AP4S1: variants seen among roughly 807,000 people sequenced by gnomAD.
The protein encoded by AP4S1 is adaptor related protein complex 4 subunit sigma 1.
AP4S1 carries 23 observed loss-of-function variants against 19.8 expected under a neutral mutation model. The ratio of observed to expected loss-of-function variants is 1.16; its 90% confidence interval spans 0.84 to 1.65. AP4S1 has a LOEUF of 1.65. Ranked by LOEUF, AP4S1 falls within the 40% of genes most tolerant of loss-of-function variation. AP4S1 has a pLI of 0.00. For synonymous variants in AP4S1, 46 were observed against 54.1 expected (o/e 0.85, Z 0.66); for missense variants, 166 against 172.8 (o/e 0.96, Z 0.22).
At chr14:31,074,364 T>TAAAGAAAG (rs1367024791) in intron 4 of AP4S1, among the ~76,000 whole-genome samples, 3 of 73,258 alleles carry the variant, frequency 4.1e-5, no homozygotes, top group African/African-American at 1.2e-4. Context: ...AATAAATAAA[T>TAAAGAAAG]AAAGTAAGCT....
At position 31,092,978 on chromosome 14, in the gene AP4S1, T is replaced by C. The variant is rs1179210609; in HGVS notation, c.378T>C (p.Thr126=). ...EMVLNGCIVE[T]NRARILAPLL... ...TGTTAAATGGCTGCATTGTGGAAACTAACAGGGCAAGAATTCTTGCCCCTC... is the reference window on the plus strand; with the variant it reads ...TGTTAAATGGCTGCATTGTGGAAACCAACAGGGCAAGAATTCTTGCCCCTC... Residue 126 remains threonine (T), a synonymous_variant, in exon 6 of 6, where the codon ACT becomes ACC. Transcript: ENST00000542754. 6.5e-7 allele frequency: 1 copy of C among 1,549,046 alleles called. No individual in the cohort carries two copies. The highest frequency in any genetic ancestry group is 2.0e-5 in the Admixed American group (1 of 50,856).
chr14:31,058,971 C>G (rs1886285449), intron 1 of AP4S1, among the ~76,000 whole-genome samples: 1 of 152,144 alleles, frequency 6.6e-6, no homozygotes, highest in African/African-American at 2.4e-5. Context: ...TCCCTTCTTA[C>G]TGTCCTACCT....
intron 1 of AP4S1, among the ~76,000 whole-genome samples, chr14:31,035,714 TA>T (rs1330587107): frequency 4.0e-5 from 6 of 151,384 alleles, no homozygotes; most frequent in East Asian, 3.9e-4. Flanking sequence ...GAGACCAGGT[TA>T]TTTTTTTTAT....
At chr14:31,047,088 T>C (rs766034200) in intron 1 of AP4S1, among the ~76,000 whole-genome samples, 2 of 152,188 alleles carry the variant, frequency 1.3e-5, no homozygotes, top group Non-Finnish European at 2.9e-5. Flanking sequence ...CACGTTTGTA[T>C]TTTCCCAATG....
At chr14:31,040,762 A>G (rs1479324093) in intron 1 of AP4S1, among the ~76,000 whole-genome samples, 1 of 152,176 alleles carries the variant, frequency 6.6e-6, no homozygotes, top group Non-Finnish European at 1.5e-5. Context: ...CTTTAGGTCA[A>G]GATCTGCGAG....
chr14:31,062,731 G>T (rs534226144), intron 1 of AP4S1, among the ~76,000 whole-genome samples: 2 of 151,726 alleles, frequency 1.3e-5, no homozygotes, highest in South Asian at 2.1e-4. Context: ...ACTGTGGGAG[G>T]CCAAGGTAGG....
chr14:31,088,118 C>T (rs1293082403), intron 5 of AP4S1, among the ~76,000 whole-genome samples: 1 of 152,072 alleles, frequency 6.6e-6, no homozygotes, highest in Non-Finnish European at 1.5e-5. Context: ...AGGATTCAGC[C>T]AGTAGCCCGG....
intron 2 of AP4S1, among the ~76,000 whole-genome samples, chr14:31,067,111 C>T (rs752216158): frequency 2.0e-5 from 3 of 151,016 alleles, no homozygotes; most frequent in Non-Finnish European, 2.9e-5. Flanking sequence ...CTGGGGAGGC[C>T]GAGGCAGGAT....
intron 1 of AP4S1, among the ~76,000 whole-genome samples, chr14:31,054,542 C>T (rs1885990422): frequency 2.0e-5 from 3 of 151,872 alleles, no homozygotes; most frequent in South Asian, 2.1e-4. Context: ...ATTAGCCAGG[C>T]GTGGTGGCAG....
At chr14:31,052,960 G>A (rs1488691305) in intron 1 of AP4S1, among the ~76,000 whole-genome samples, 7 of 95,998 alleles carry the variant, frequency 7.3e-5, no homozygotes, top group Admixed American at 1.4e-4. Flanking sequence ...TTTTTTTTGA[G>A]ATGGAGTTTC....
chr14:31,067,593 T>C (rs1886792540), intron 2 of AP4S1, among the ~76,000 whole-genome samples: 1 of 151,166 alleles, frequency 6.6e-6, no homozygotes, highest in Non-Finnish European at 1.5e-5. Flanking sequence ...TGGCTCACTG[T>C]AACCAACCTC....
At chr14:31,078,165 A>T (rs1360782759) in intron 4 of AP4S1, among the ~76,000 whole-genome samples, 1 of 152,226 alleles carries the variant, frequency 6.6e-6, no homozygotes, top group Non-Finnish European at 1.5e-5. Context: ...TGGTCATTCC[A>T]GAGACTGGCC....
At chr14:31,054,740 T>A (rs1886002237) in intron 1 of AP4S1, among the ~76,000 whole-genome samples, 2 of 151,498 alleles carry the variant, frequency 1.3e-5, no homozygotes, top group South Asian at 4.2e-4. Context: ...TGGAGGTACG[T>A]GCCTCTAGTC....
At chr14:31,075,953 C>T (rs1485009311) in intron 4 of AP4S1, among the ~76,000 whole-genome samples, 4 of 152,110 alleles carry the variant, frequency 2.6e-5, no homozygotes, top group Non-Finnish European at 4.4e-5. Context: ...TGAGGCTGGT[C>T]TCAAACTCCT....
At chr14:31,081,498 T>A (rs572434010) in intron 5 of AP4S1, among the ~76,000 whole-genome samples, 3 of 152,312 alleles carry the variant, frequency 2.0e-5, no homozygotes, top group Admixed American at 1.3e-4. Context: ...GCCCACAGAT[T>A]TTGGCAGGAG....
chr14:31,082,665 G>A (rs1163727249), intron 5 of AP4S1, among the ~76,000 whole-genome samples: 1 of 152,180 alleles, frequency 6.6e-6, no homozygotes, highest in African/African-American at 2.4e-5. Context: ...GGGAGGCCGA[G>A]GCGGGTGGAT....
At chr14:31,035,547 C>CA (rs916877315) in intron 1 of AP4S1, among the ~76,000 whole-genome samples, 3 of 149,392 alleles carry the variant, frequency 2.0e-5, no homozygotes, top group Non-Finnish European at 3.0e-5. Context: ...CCCAATATCT[C>CA]AAAAAACAAT....
At chr14:31,058,216 C>A (rs1886230699) in intron 1 of AP4S1, among the ~76,000 whole-genome samples, 1 of 152,138 alleles carries the variant, frequency 6.6e-6, no homozygotes, top group Non-Finnish European at 1.5e-5. Context: ...AGGCATGAAC[C>A]ACCTCGCCTG....
intron 1 of AP4S1, chr14:31,027,316 C>T (rs1884069585): frequency 6.6e-6 from 1 of 152,102 alleles, no homozygotes; most frequent in African/African-American, 2.4e-5. Context: ...AATAAAAGCA[C>T]TGTGAGTACA....
Sources: gnomAD v4.1 joint callset for allele counts (sites outside exome capture counted in the v4.1 genomes callset) on GRCh38, gnomAD v4.1.1 for gene constraint, MANE v1.5 for transcripts, NCBI Gene and HGNC (gene_info 2026-07-23, HGNC 2026-07-21) for gene names.